Variants in TMPRSS11F observed in about 807,000 individuals in gnomAD.
The protein encoded by TMPRSS11F is transmembrane serine protease 11F, also known as transmembrane protease serine 11F.
In TMPRSS11F, 47 loss-of-function variants were observed where a neutral mutation model predicts 60.2. The ratio of observed to expected loss-of-function variants is 0.78; its 90% confidence interval spans 0.62 to 1.00. TMPRSS11F has a LOEUF of 1.00. Ranked by LOEUF, TMPRSS11F falls within the 50% of genes least tolerant of loss-of-function variation. The probability of loss-of-function intolerance (pLI) is 0.00; values close to 1 mark genes in which losing one functional copy is unlikely to be tolerated. For missense variants in TMPRSS11F, 519 were observed against 522.9 expected (o/e 0.99, Z 0.07); for synonymous variants, 166 against 167.3 (o/e 0.99, Z 0.06).
chr4:68,080,579 C>G (rs1723677856), intron 3 of TMPRSS11F: 1 of 152,204 alleles, frequency 6.6e-6, no homozygotes, highest in South Asian at 2.1e-4. Flanking sequence ...AGACAAACAA[C>G]CCAACCCTCT....
intron 1 of TMPRSS11F, among the ~76,000 whole-genome samples, chr4:68,127,242 C>T (rs1003186049): frequency 6.6e-6 from 1 of 152,192 alleles, no homozygotes; most frequent in East Asian, 1.9e-4. Context: ...TACCGTCTTT[C>T]TCCTACTACT....
intron 1 of TMPRSS11F, among the ~76,000 whole-genome samples, chr4:68,121,943 G>A (rs1724632548): frequency 6.6e-6 from 1 of 152,132 alleles, no homozygotes; most frequent in African/African-American, 2.4e-5. Flanking sequence ...CCCTTCTAAT[G>A]CCAAGTGGCC....
chr4:68,096,242 C>T (rs775841259), intron 2 of TMPRSS11F, among the ~76,000 whole-genome samples: 8 of 152,184 alleles, frequency 5.3e-5, no homozygotes, highest in Non-Finnish European at 1.2e-4. Context: ...TGTTCAAATA[C>T]GATTTCGTTT....
In TMPRSS11F at chr4:68,073,970, A is replaced by G. The variant is rs1425045788; in HGVS notation, c.322T>C (p.Phe108Leu). Residue 108 changes from phenylalanine to leucine, a missense_variant, in exon 4 of 10, where the codon TTT becomes CTT. Transcript: ENST00000356291. Reference sequence around the variant, plus strand: ...AATTTGATAACATGAGATTTGATAAATCGACCGCCTACAGAAGAATGTCGA... The same window carrying G: ...AATTTGATAACATGAGATTTGATAAGTCGACCGCCTACAGAAGAATGTCGA... ...IFRHSSVGGRFIKSHVIKLSP... is the reference protein window; with the variant it reads ...IFRHSSVGGRLIKSHVIKLSP... 4 of 1,586,834 alleles carry G rather than the reference A, an allele frequency of 2.5e-6. No homozygotes were observed. The African/African-American group carries it at 5.4e-5, about 22-fold the overall frequency.
chr4:68,084,070 C>T (rs1445462904), intron 3 of TMPRSS11F, among the ~76,000 whole-genome samples: 1 of 152,066 alleles, frequency 6.6e-6, no homozygotes, highest in East Asian at 1.9e-4. Flanking sequence ...AGGAAAGAAT[C>T]TCAGAGCTCG....
intron 1 of TMPRSS11F, among the ~76,000 whole-genome samples, chr4:68,115,793 T>C (rs1234695319): frequency 6.6e-6 from 1 of 152,172 alleles, no homozygotes; most frequent in Non-Finnish European, 1.5e-5. Flanking sequence ...GAAATAATTA[T>C]CTGTGAATCT....
At chr4:68,081,157 G>A (rs2109855045) in intron 3 of TMPRSS11F, among the ~76,000 whole-genome samples, 1 of 152,304 alleles carries the variant, frequency 6.6e-6, no homozygotes, top group South Asian at 2.1e-4. Flanking sequence ...TCAGTGAGAA[G>A]CTATTATTAA....
chr4:68,095,591 A>G (rs545460673), intron 2 of TMPRSS11F, among the ~76,000 whole-genome samples: 13 of 152,200 alleles, frequency 8.5e-5, no homozygotes, highest in Non-Finnish European at 1.6e-4. Flanking sequence ...GGTATTATCC[A>G]TGATGATAAA....
chr4:68,095,910 A>AAT (rs1724065546), intron 2 of TMPRSS11F, among the ~76,000 whole-genome samples: 1 of 151,564 alleles, frequency 6.6e-6, no homozygotes, highest in Admixed American at 6.6e-5. Context: ...AAAAAAAAAA[A>AAT]AAAAAAGCAT....
At chr4:68,113,374 G>A (rs114075153) in intron 1 of TMPRSS11F, among the ~76,000 whole-genome samples, 1,536 of 151,394 alleles carry the variant, frequency 0.01, 22 homozygotes, top group African/African-American at 0.035. Flanking sequence ...TGAAGATATG[G>A]CTTGGCTTTT....
At chr4:68,122,573 T>A (rs776293661) in intron 1 of TMPRSS11F, among the ~76,000 whole-genome samples, 13 of 152,176 alleles carry the variant, frequency 8.5e-5, no homozygotes, top group Admixed American at 6.5e-5. Context: ...TCAAAGAACA[T>A]GCAATTCTAA....
chr4:68,089,078 A>G (rs1723874676), intron 3 of TMPRSS11F, among the ~76,000 whole-genome samples: 1 of 152,156 alleles, frequency 6.6e-6, no homozygotes, highest in African/African-American at 2.4e-5. Context: ...CACGGAACCA[A>G]AAAAGGGTCC....
chr4:68,107,709 C>T (rs189383561), intron 1 of TMPRSS11F, among the ~76,000 whole-genome samples: 1 of 152,176 alleles, frequency 6.6e-6, no homozygotes, highest in African/African-American at 2.4e-5. Context: ...GGGGCCAAGG[C>T]GGGCAGATCA....
intron 8 of TMPRSS11F, among the ~76,000 whole-genome samples, chr4:68,060,936 C>A (rs1321292523): frequency 6.6e-6 from 1 of 151,586 alleles, no homozygotes; most frequent in African/African-American, 2.4e-5. Context: ...ATATATAGTA[C>A]TTTTTTGGGA....
At chr4:68,098,745 AG>A in intron 2 of TMPRSS11F, 141 bp downstream of exon 2, 1 of 763,144 alleles carries the variant, frequency 1.3e-6, no homozygotes, top group Non-Finnish European at 2.0e-6. Context: ...TCAATACAGA[AG>A]CAAACTATAA....
intron 1 of TMPRSS11F, among the ~76,000 whole-genome samples, chr4:68,117,403 G>A (rs868433525): frequency 1.4e-5 from 2 of 144,616 alleles, no homozygotes; most frequent in African/African-American, 2.6e-5. Flanking sequence ...GGGTGGCAGA[G>A]CCTGCAGTAA....
intron 2 of TMPRSS11F, among the ~76,000 whole-genome samples, chr4:68,093,247 T>C (rs1247932716): frequency 6.6e-6 from 1 of 152,150 alleles, no homozygotes; most frequent in Non-Finnish European, 1.5e-5. Flanking sequence ...GTAAAAATAA[T>C]AGTATACCCC....
intron 2 of TMPRSS11F, among the ~76,000 whole-genome samples, chr4:68,098,030 C>T (rs1365705814): frequency 3.9e-5 from 6 of 152,066 alleles, no homozygotes; most frequent in African/African-American, 1.2e-4. Flanking sequence ...ATCGGCGGGG[C>T]ATGGTGGCTG....
At chr4:68,085,775 G>A (rs954543410) in intron 3 of TMPRSS11F, among the ~76,000 whole-genome samples, 3 of 151,852 alleles carry the variant, frequency 2.0e-5, no homozygotes, top group Admixed American at 2.0e-4. Flanking sequence ...CGGTAAAGAA[G>A]GAAAAACAAG....
Sources: gnomAD v4.1 joint callset for allele counts (sites outside exome capture counted in the v4.1 genomes callset) on GRCh38, gnomAD v4.1.1 for gene constraint, MANE v1.5 for transcripts, NCBI Gene and HGNC (gene_info 2026-07-23, HGNC 2026-07-21) for gene names.